Variants in SPTBN4 observed in about 807,000 individuals in gnomAD.
The protein encoded by SPTBN4 is spectrin beta chain, non-erythrocytic 4.
SPTBN4 carries 96 observed loss-of-function variants against 277.8 expected under a neutral mutation model. The observed-to-expected ratio is 0.35, with a 90% CI of 0.29 to 0.41. The LOEUF (loss-of-function observed/expected upper bound fraction) is 0.41. Ranked by LOEUF, SPTBN4 falls within the 10% of genes least tolerant of loss-of-function variation. The probability of loss-of-function intolerance (pLI) is 1.00; values close to 1 mark genes in which losing one functional copy is unlikely to be tolerated. For synonymous variants in SPTBN4, 1,481 were observed against 1,580.3 expected (o/e 0.94, Z 1.49); for missense variants, 3,006 against 3,595.7 (o/e 0.84, Z 4.19).
intron 20 of SPTBN4, among the ~76,000 whole-genome samples, chr19:40,538,641 G>T (rs1326492808): frequency 1.3e-5 from 2 of 152,146 alleles, no homozygotes; most frequent in Non-Finnish European, 2.9e-5. Context: ...AGGCTGAAGT[G>T]CAATGGCGTG....
At chr19:40,501,522 G>C (rs914726481) in intron 7 of SPTBN4, among the ~76,000 whole-genome samples, 2 of 152,024 alleles carry the variant, frequency 1.3e-5, no homozygotes, top group African/African-American at 4.8e-5. Context: ...TATAAAATTA[G>C]CCAGGCATGG....
At position 40,519,392 on chromosome 19, in the gene SPTBN4, C is replaced by T. The variant is rs749117164; in HGVS notation, c.2904-9C>T. The T allele has an allele frequency of 3.9e-6, 6 of 1,543,900 alleles. No individual in the cohort carries two copies. The highest frequency in any genetic ancestry group is 4.4e-6 in the Non-Finnish European group (5 of 1,147,952). On this transcript the variant is annotated splice_polypyrimidine_tract_variant and intron_variant, in intron 15 of 35. Coordinates refer to ENST00000598249, the MANE Select transcript of SPTBN4 (RefSeq NM_020971.3). The surrounding 1 kb of genome is among the most constrained non-coding windows in gnomAD (Gnocchi z 5.7). The stretch of plus-strand genomic sequence containing the variant: ...GTCCTCCTCAAGTCACTCTCTTTCC[C>T]CTGGGCAGGTGGAACCGCATCGTGG...
At chr19:40,481,399 C>T (rs1378641142) in intron 2 of SPTBN4, among the ~76,000 whole-genome samples, 1 of 152,064 alleles carries the variant, frequency 6.6e-6, no homozygotes, top group Admixed American at 6.6e-5. Context: ...CCGTTTGTAT[C>T]GTTTTATATT....
In SPTBN4 at chr19:40,565,708, G is replaced by A. The variant is rs200250828; in HGVS notation, c.6102G>A (p.Ser2034=). 63 of 1,553,896 alleles carry A rather than the reference G, an allele frequency of 4.1e-5. No individual in the cohort carries two copies. The highest frequency in any genetic ancestry group is 1.4e-4 in the Admixed American group (7 of 51,266). The part of the protein sequence containing the change: ...DKLGTRKEEV[S]EKWDRHWEWL... ...TGGGAACCAGGAAGGAGGAGGTGTC[G>A]GAAAAGTGGGACCGCCATTGGGAGT... Residue 2034 remains serine, a synonymous_variant, in exon 29 of 36, where the codon TCG becomes TCA. Transcript: ENST00000598249.
At chr19:40,506,457 G>T in intron 13 of SPTBN4, 71 bp downstream of exon 13, 2 of 1,518,694 alleles carry the variant, frequency 1.3e-6, no homozygotes, top group South Asian at 2.5e-5. Flanking sequence ...AGGCAAGAGT[G>T]ACTCCTGAGA....
At chr19:40,528,460 G>GC (rs979298191) in intron 17 of SPTBN4, among the ~76,000 whole-genome samples, 51 of 152,136 alleles carry the variant, frequency 3.4e-4, no homozygotes, top group African/African-American at 1.2e-3. Context: ...CAACTCTGCG[G>GC]CCCCCTGGTC....
In SPTBN4 at chr19:40,495,847, G is replaced by A. The variant is rs555809564; in HGVS notation, c.668+870G>A. 8.5e-5 allele frequency among the ~76,000 whole-genome samples: 13 copies of A among 152,152 alleles called. No individual in the cohort carries two copies. The South Asian group carries it at 2.5e-3, about 29-fold the overall frequency. Reference sequence around the variant, plus strand: ...ACATATTGGGGAAACTGAGACTCAGGCGCAGGAAGGGGCTTGTGGTGGTGT... The same window carrying A: ...ACATATTGGGGAAACTGAGACTCAGACGCAGGAAGGGGCTTGTGGTGGTGT... On this transcript the variant is annotated intron_variant, in intron 6 of 35. Coordinates refer to ENST00000598249, the MANE Select transcript of SPTBN4 (RefSeq NM_020971.3).
intron 32 of SPTBN4, among the ~76,000 whole-genome samples, chr19:40,569,991 C>CAG: frequency 6.8e-6 from 1 of 146,776 alleles, no homozygotes; most frequent in East Asian, 2.0e-4. Flanking sequence ...CACACACAGA[C>CAG]ACACACACAC....
In SPTBN4 at chr19:40,560,206, G is replaced by A. The variant is rs143517137; in HGVS notation, c.5718G>A (p.Ala1906=). 532 of 1,605,952 alleles carry A rather than the reference G, an allele frequency of 3.3e-4. 1 individual carries two copies. The highest frequency in any genetic ancestry group is 1.3e-3 in the Middle Eastern group (8 of 6,084). Reference sequence around the variant, plus strand: ...CGGCCCAGCTGCGGACGGTGTATGCGGGTGAACATGCCGAGGCCATCGCTA... The same window carrying A: ...CGGCCCAGCTGCGGACGGTGTATGCAGGTGAACATGCCGAGGCCATCGCTA... ...EGAAQLRTVY[A]GEHAEAIASR... Residue 1906 remains alanine, a synonymous_variant, in exon 27 of 36, where the codon GCG becomes GCA. Transcript: ENST00000598249. This position sits in a 1 kb window ranked among gnomAD's most constrained non-coding sequence, Gnocchi z 5.2.
chr19:40,572,386 A>G lies in SPTBN4; in HGVS notation c.7536+6A>G. The G allele has an allele frequency of 6.2e-7, 1 of 1,614,118 alleles. No individual in the cohort carries two copies. Among genetic ancestry groups the G allele is most frequent in the Non-Finnish European group, 8.5e-7 (1 of 1,180,000 alleles). On this transcript the variant is annotated splice_donor_region_variant and intron_variant, in intron 35 of 35. Transcript: ENST00000598249. ...TGCTCCAGGCAAAAGATGAGGTGAGATCTGGTCCTTTCCTCCCTCTGTGTG... is the reference window on the plus strand; with the variant it reads ...TGCTCCAGGCAAAAGATGAGGTGAGGTCTGGTCCTTTCCTCCCTCTGTGTG...
In SPTBN4 at chr19:40,519,123, G is replaced by C. The variant is rs1278385071; in HGVS notation, c.2904-278G>C. 1.3e-5 allele frequency among the ~76,000 whole-genome samples: 2 copies of C among 152,170 alleles called. No homozygotes were observed. Among genetic ancestry groups the C allele is most frequent in the African/African-American group, 4.8e-5 (2 of 41,446 alleles). ...CCTGCCGCCTCTGGAAAACTCCACT[G>C]AACACTCGGGAAAGAATGAGAGTGA... On this transcript the variant is annotated intron_variant, in intron 15 of 35. Coordinates refer to ENST00000598249, the MANE Select transcript of SPTBN4 (RefSeq NM_020971.3). The surrounding 1 kb of genome is among the most constrained non-coding windows in gnomAD (Gnocchi z 5.7).
At chr19:40,525,605 T>A (rs2080581454) in intron 17 of SPTBN4, among the ~76,000 whole-genome samples, 1 of 152,196 alleles carries the variant, frequency 6.6e-6, no homozygotes, top group African/African-American at 2.4e-5. Flanking sequence ...ATTCATTAAT[T>A]GCTCCTTTCA....
intron 20 of SPTBN4, among the ~76,000 whole-genome samples, chr19:40,540,974 A>G (rs1017956282): frequency 4.6e-5 from 7 of 152,108 alleles, no homozygotes; most frequent in Non-Finnish European, 8.8e-5. Context: ...CCAGCAGTAC[A>G]CATGAGCTCC....
intron 13 of SPTBN4, among the ~76,000 whole-genome samples, chr19:40,506,831 A>G (rs1226266767): frequency 6.6e-6 from 1 of 151,986 alleles, no homozygotes; most frequent in African/African-American, 2.4e-5. Context: ...AAATAAATAA[A>G]TAAATTAGCC....
At chr19:40,468,670 G>A (rs150849792) in intron 1 of SPTBN4, among the ~76,000 whole-genome samples, 22 of 152,250 alleles carry the variant, frequency 1.4e-4, no homozygotes, top group Admixed American at 3.3e-4. Context: ...ATGAGCCACC[G>A]TGCCGGGCCA....
Position 40,554,518 on chromosome 19 carries a change from C to A in SPTBN4, c.4956C>A (p.Asp1652Glu). 1 of 1,481,082 alleles carries A rather than the reference C, an allele frequency of 6.8e-7. No individual in the cohort carries two copies. The highest frequency in any genetic ancestry group is 9.0e-7 in the Non-Finnish European group (1 of 1,111,920). 91.7% of individuals were successfully genotyped at this position (1,481,082 alleles called of 1,614,324 possible). ...LLMMSEDKGK[D>E]EQSTLQLLKK... is the part of the protein sequence containing the mutation. ...TCGTGGGCGCTTTGTGCCCCCAGGA[C>A]GAACAGAGCACCCTGCAGCTGCTCA... Residue 1652 changes from aspartate (D) to glutamate (E), a missense_variant and splice_region_variant, in exon 24 of 36, where the codon GAC becomes GAA. Asp to Glu is a conservative substitution (Grantham distance 45). Transcript: ENST00000598249. The surrounding 1 kb of genome is among the most constrained non-coding windows in gnomAD (Gnocchi z 5.7).
Position 40,502,138 on chromosome 19 carries a change from A to G in SPTBN4, c.908A>G (p.Gln303Arg). 6.2e-7 allele frequency: 1 copy of G among 1,613,688 alleles called. No individual in the cohort carries two copies. The highest frequency in any genetic ancestry group is 8.5e-7 in the Non-Finnish European group (1 of 1,179,806). Residue 303 changes from glutamine to arginine, a missense_variant, in exon 9 of 36, where the codon CAG becomes CGG. Physicochemically the swap from Gln to Arg is conservative, Grantham distance 43. Transcript: ENST00000598249. This position sits in a 1 kb window ranked among gnomAD's most constrained non-coding sequence, Gnocchi z 4.9. ...CCTCTGCTGTGTCAGGTCTTGGACC[A>G]GGTATTGGAGGTGGGGAAGATCATA... Reference protein sequence around the residue: ...EGKRIGKVLDQVLEVGKIIER... With the variant: ...EGKRIGKVLDRVLEVGKIIER...
chr19:40,531,693 G>A lies in SPTBN4; in HGVS notation c.3949-932G>A, dbSNP rs376512228. 3.8e-4 allele frequency among the ~76,000 whole-genome samples: 58 copies of A among 151,656 alleles called. 2 individuals are homozygous for A. The South Asian group carries it at 0.011, about 29-fold the overall frequency. On this transcript the variant is annotated intron_variant, in intron 18 of 35. Transcript: ENST00000598249. ...TGATCCTCTCTAGTGCCGTGAGAGG[G>A]GCCCACTCTTGGTGCTTGCGTTTTG... is the stretch of plus-strand genomic sequence containing the variant.
At chr19:40,569,834 C>G (rs1342424753) in intron 32 of SPTBN4, 108 bp downstream of exon 32, 16 of 1,044,194 alleles carry the variant, frequency 1.5e-5, no homozygotes, top group African/African-American at 3.2e-5. Context: ...CATTCCCTAC[C>G]TGGACCCTGC....
Sources: allele counts gnomAD v4.1 joint callset (sites outside exome capture counted in the v4.1 genomes callset), GRCh38; gene constraint gnomAD v4.1.1; non-coding constraint Gnocchi (gnomAD v3.1); transcripts MANE v1.5; gene names NCBI Gene and HGNC (gene_info 2026-07-23, HGNC 2026-07-21).